B3GALNT2: variants seen among roughly 807,000 people sequenced by gnomAD.
B3GALNT2 encodes the protein UDP-GalNAc:beta-1,3-N-acetylgalactosaminyltransferase 2.
In B3GALNT2, 53 loss-of-function variants were observed where a neutral mutation model predicts 61.1. That is an observed-to-expected ratio of 0.87 (90% confidence interval 0.70 to 1.09). The LOEUF is 1.09. Ranked by LOEUF, B3GALNT2 falls within the 50% of genes least tolerant of loss-of-function variation. B3GALNT2 has a pLI of 0.00. For missense variants in B3GALNT2, 544 were observed against 623.0 expected, an observed-to-expected ratio of 0.87 and a Z score of 1.35; for synonymous variants, 223 against 237.4, an observed-to-expected ratio of 0.94 and a Z score of 0.56.
Position 235,457,218 on chromosome 1 carries a change from G to A in B3GALNT2, c.1025+1385C>T, listed in dbSNP as rs138408439. Reference sequence around the variant, plus strand: ...CCCTCAGGACCAGGGAACTGTATCCGTAAAGTACTGTTCTTGGTAACTTCC... The same window carrying A: ...CCCTCAGGACCAGGGAACTGTATCCATAAAGTACTGTTCTTGGTAACTTCC... On this transcript the variant is annotated intron_variant, in intron 8 of 11. Transcript: ENST00000366600. 7.2e-5 allele frequency among the ~76,000 whole-genome samples: 11 copies of A among 152,218 alleles called. No homozygotes were observed. The South Asian group carries it at 2.1e-3, about 29-fold the overall frequency.
chr1:235,450,983 A>G (rs1682863363), intron 11 of B3GALNT2: 1 of 152,238 alleles, frequency 6.6e-6, no homozygotes. Context: ...TGACAACACA[A>G]AAATGTTGGA....
chr1:235,484,488 C>T lies in B3GALNT2; in HGVS notation c.389G>A (p.Ser130Asn). The T allele has an allele frequency of 1.9e-6, 3 of 1,614,034 alleles. No homozygotes were observed. The highest frequency in any genetic ancestry group is 2.5e-6 in the Non-Finnish European group (3 of 1,179,982). ...CCCCGATGAAGTGTCTTCGGACAGA[C>T]TGAACGCTTCAATTTCCTGATTCAA... ...PVLNQEIEAF[S>N]LSEDTSSGLP... is the part of the protein sequence containing the mutation. The change falls in exon 4 of 12, where the codon AGT (serine) becomes AAT (asparagine). Residue 130 changes from serine (S) to asparagine (N), a missense_variant. Coordinates refer to ENST00000366600, the MANE Select transcript of B3GALNT2 (RefSeq NM_152490.5).
At chr1:235,443,464 G>A (rs1232795376), downstream of B3GALNT2, among the ~76,000 whole-genome samples, 3 of 152,124 alleles carry the variant, frequency 2.0e-5, no homozygotes, top group Non-Finnish European at 4.4e-5. Flanking sequence ...CAGCCTCCCA[G>A]TGTTGGAATT....
intron 5 of B3GALNT2, among the ~76,000 whole-genome samples, chr1:235,474,341 C>T (rs1212229134): frequency 6.6e-6 from 1 of 152,174 alleles, no homozygotes; most frequent in African/African-American, 2.4e-5. Context: ...TCTATCTCTC[C>T]CATAACATAA....
intron 1 of B3GALNT2, among the ~76,000 whole-genome samples, chr1:235,496,764 T>C (rs1290427994): frequency 3.3e-5 from 5 of 152,078 alleles, no homozygotes; most frequent in African/African-American, 1.2e-4. Context: ...CAGGCTGGTG[T>C]TGAACTCTTG....
rs1370128394 is a variant in B3GALNT2, at chr1:235,450,046, A to G, written c.*160T>C. 7 of 774,632 alleles carry G rather than the reference A, an allele frequency of 9.0e-6. No individual in the cohort carries two copies. The African/African-American group carries it at 1.2e-4, about 13-fold the overall frequency. The allele number at this position is 774,632 out of a possible 1,614,324, so 48.0% of individuals were successfully genotyped here. A position where few individuals can be genotyped will look rare whatever the true frequency, so the allele number is the denominator to read the frequency against. Reference sequence around the variant, plus strand: ...AGTTGATTTTTAAGGAAATTTGTGCAAACATTAAGAAACACCGCATTGGTT... The same window carrying G: ...AGTTGATTTTTAAGGAAATTTGTGCGAACATTAAGAAACACCGCATTGGTT... On this transcript the variant is annotated 3_prime_UTR_variant, in exon 12 of 12. Coordinates refer to ENST00000366600, the MANE Select transcript of B3GALNT2 (RefSeq NM_152490.5).
At chr1:235,440,206 G>A in the B3GALNT2 span, among the ~76,000 whole-genome samples, 3 of 152,220 alleles carry the variant, frequency 2.0e-5, no homozygotes, top group East Asian at 5.8e-4. Context: ...TCCTGACCTT[G>A]TGATCCACCC....
At chr1:235,480,500 TA>T (rs1241006162) in intron 4 of B3GALNT2, among the ~76,000 whole-genome samples, 1 of 152,086 alleles carries the variant, frequency 6.6e-6, no homozygotes, top group Non-Finnish European at 1.5e-5. Flanking sequence ...CCCAAAGGGT[TA>T]AAACTAAACT....
intron 11 of B3GALNT2, chr1:235,452,032 A>T (rs1323672491): frequency 1.4e-5 from 2 of 147,896 alleles, no homozygotes; most frequent in Non-Finnish European, 3.0e-5. Context: ...TTTTTTTTTG[A>T]GACGGAGTCT....
chr1:235,496,248 T>G, intron 1 of B3GALNT2: 1 of 306,832 alleles, frequency 3.3e-6, no homozygotes, highest in South Asian at 3.2e-5. Flanking sequence ...GAGGTGGAGG[T>G]TGGGGTGAGC....
chr1:235,490,467 G>C (rs1049086412), intron 2 of B3GALNT2, among the ~76,000 whole-genome samples: 5 of 152,278 alleles, frequency 3.3e-5, no homozygotes, highest in Non-Finnish European at 7.4e-5. Context: ...TTGGCGTCAA[G>C]TGATCTGCCT....
At position 235,482,509 on chromosome 1, in the gene B3GALNT2, T is replaced by G. The variant is rs1178551891; in HGVS notation, c.555+1813A>C. Reference sequence around the variant, plus strand: ...TACAAGGCAGAACCCAAGTAGCCCATCCAAGGCCAGAGAAACTGAATAGAG... The same window carrying G: ...TACAAGGCAGAACCCAAGTAGCCCAGCCAAGGCCAGAGAAACTGAATAGAG... On this transcript the variant is annotated intron_variant, in intron 4 of 11. Transcript: ENST00000366600. 3.3e-5 allele frequency among the ~76,000 whole-genome samples: 5 copies of G among 151,890 alleles called. No individual in the cohort carries two copies. The East Asian group carries it at 7.8e-4, about 24-fold the overall frequency.
chr1:235,442,793 T>C (rs1163157536), downstream of B3GALNT2: 1 of 1,535,906 alleles, frequency 6.5e-7, no homozygotes, highest in African/African-American at 1.4e-5. Context: ...TGTGTGTGGA[T>C]AATTTAAATC....
At chr1:235,453,645 C>T (rs1038720964) in intron 10 of B3GALNT2, among the ~76,000 whole-genome samples, 5 of 152,102 alleles carry the variant, frequency 3.3e-5, no homozygotes, top group Non-Finnish European at 5.9e-5. Context: ...TAGGGTTTTG[C>T]CATGTTGGCC....
chr1:235,470,591 A>AAG (rs1553347839), intron 6 of B3GALNT2, among the ~76,000 whole-genome samples: 3 of 151,556 alleles, frequency 2.0e-5, no homozygotes, highest in Admixed American at 6.6e-5. Context: ...AAAAAAAAAA[A>AAG]AGAGAAATAA....
intron 3 of B3GALNT2, among the ~76,000 whole-genome samples, chr1:235,486,894 C>T (rs1184086978): frequency 1.3e-5 from 2 of 152,078 alleles, no homozygotes; most frequent in African/African-American, 2.4e-5. Flanking sequence ...TGAGGCCAGG[C>T]GTGGTGGCTC....
At position 235,471,107 on chromosome 1, in the gene B3GALNT2, T is replaced by TA. The variant is rs1490593847; in HGVS notation, c.652-148dup. ...CCCCATAACTCTGACATACCACTGT[T>TA]AGCGTTTGGTGTGTATCCTTGACCG... is the stretch of plus-strand genomic sequence containing the variant. On this transcript the variant is annotated intron_variant, in intron 5 of 11. Transcript: ENST00000366600. 17 of 1,419,620 alleles carry TA rather than the reference T, an allele frequency of 1.2e-5. 1 individual carries two copies. In the South Asian group the frequency reaches 2.6e-4, roughly 22 times the overall value. The allele number at this position is 1,419,620 out of a possible 1,614,324, so 87.9% of individuals were successfully genotyped here. A position where few individuals can be genotyped will look rare whatever the true frequency, so the allele number is the denominator to read the frequency against.
chr1:235,448,859 A>AG lies in B3GALNT2; in HGVS notation c.*1346dup, dbSNP rs746679827. On this transcript the variant is annotated 3_prime_UTR_variant, in exon 12 of 12. Transcript: ENST00000366600. ...TGGAACAATTCTACTGTCAAAACAA[A>AG]GGGGGTTTACAACTTGTCCTAAGTA... is the stretch of plus-strand genomic sequence containing the variant. 4.1e-5 allele frequency: 39 copies of AG among 949,420 alleles called. No individual in the cohort carries two copies. Among genetic ancestry groups the AG allele is most frequent in the Non-Finnish European group, 6.3e-5 (38 of 599,368 alleles). The allele number at this position is 949,420 out of a possible 1,614,324, so 58.8% of individuals were successfully genotyped here.
At chr1:235,483,791 A>G (rs1467406428) in intron 4 of B3GALNT2, among the ~76,000 whole-genome samples, 2 of 152,206 alleles carry the variant, frequency 1.3e-5, no homozygotes, top group African/African-American at 4.8e-5. Flanking sequence ...TCCTTCAAAT[A>G]CATTTCCATG....
Sources: allele counts gnomAD v4.1 joint callset (sites outside exome capture counted in the v4.1 genomes callset), GRCh38; gene constraint gnomAD v4.1.1; transcripts MANE v1.5; gene names NCBI Gene and HGNC (gene_info 2026-07-23, HGNC 2026-07-21).